The following VNN1 variants were observed in gnomAD, a reference collection of about 807,000 sequenced individuals.
The protein encoded by VNN1 is vanin 1.
Under a neutral mutation model 41.9 loss-of-function variants are expected in VNN1, and 29 were observed. The observed-to-expected ratio is 0.69, with a 90% confidence interval of 0.52 to 0.94. VNN1 has a LOEUF of 0.94. Among genes scored for constraint, VNN1 ranks in the 40% least tolerant of loss-of-function variants. VNN1 has a pLI of 0.00. For synonymous variants in VNN1, 233 were observed against 224.4 expected (o/e 1.04, Z -0.34); for missense variants, 637 against 621.1 (o/e 1.03, Z -0.27).
At chr6:132,713,692 A>G (rs1778633623) in intron 1 of VNN1, 134 bp downstream of exon 1, 2 of 934,806 alleles carry the variant, frequency 2.1e-6, no homozygotes, top group Non-Finnish European at 3.1e-6. Context: ...TTCTAACTGT[A>G]AAATAAAGGT....
intron 1 of VNN1, 126 bp from the exon 2 acceptor site, chr6:132,711,965 A>G (rs766157727): frequency 2.2e-4 from 202 of 924,394 alleles, no homozygotes; most frequent in Middle Eastern, 3.3e-4. Flanking sequence ...CTATATTTTT[A>G]TAATTTATTT....
Position 132,692,425 on chromosome 6 carries a change from C to G in VNN1, c.986G>C (p.Gly329Ala). The change falls in exon 5 of 7, where the codon GGA becomes GCA. Residue 329 changes from glycine (G) to alanine (A), a missense_variant. By Grantham distance (60) the Gly-to-Ala change is moderately conservative. Transcript: ENST00000367928. ...GACAGTGCCTTTAAATTCCTTGTTT[C>G]CTGATGAGAGCGCTTCTATACTGCT... ...YASSIEALSS[G>A]NKEFKGTVFF... 1 of 1,614,138 alleles carries G rather than the reference C, an allele frequency of 6.2e-7. No individual in the cohort carries two copies. Among genetic ancestry groups the G allele is most frequent in the Non-Finnish European group, 8.5e-7 (1 of 1,180,022 alleles).
chr6:132,705,499 C>G (rs1778506686), intron 2 of VNN1, among the ~76,000 whole-genome samples: 1 of 152,070 alleles, frequency 6.6e-6, no homozygotes, highest in African/African-American at 2.4e-5. Flanking sequence ...CCCTCAATGA[C>G]TGGATATAGA....
chr6:132,712,945 G>T (rs2114380718), intron 1 of VNN1, among the ~76,000 whole-genome samples: 1 of 152,234 alleles, frequency 6.6e-6, no homozygotes, highest in South Asian at 2.1e-4. Flanking sequence ...GTACAGCGTG[G>T]GCAACATGGC....
In VNN1 at chr6:132,711,763, A is replaced by T. The variant is rs1163467787; in HGVS notation, c.287T>A (p.Leu96Ter). The T allele has an allele frequency of 6.2e-7, 1 of 1,614,064 alleles. No individual in the cohort carries two copies. The highest frequency in any genetic ancestry group is 8.5e-7 in the Non-Finnish European group (1 of 1,179,948). ...NFNRDSLYPY[L>*]EDIPDPEVNW... Reference sequence around the variant, plus strand: ...TACTTCAGGGTCTGGGATGTCCTCCAAATATGGGTAGAGAGAGTCCCTGTT... The same window carrying T: ...TACTTCAGGGTCTGGGATGTCCTCCTAATATGGGTAGAGAGAGTCCCTGTT... Residue 96 changes from leucine (L) to a stop codon, truncating the protein, a stop_gained, in exon 2 of 7, where the codon TTG becomes TAG. Transcript: ENST00000367928. LOFTEE classifies it high-confidence loss of function.
In VNN1 at chr6:132,693,068, T is replaced by A; in HGVS notation, c.782A>T (p.Asn261Ile). 1 of 1,613,872 alleles carries A rather than the reference T, an allele frequency of 6.2e-7. No homozygotes were observed. Among genetic ancestry groups the A allele is most frequent in the Non-Finnish European group, 8.5e-7 (1 of 1,179,890 alleles). ...HSAWAMGMRV[N>I]FLASNIHYPS... Reference sequence around the variant, plus strand: ...GTAATGTATGTTGGATGCAAGGAAATTGACCCTCATGCCCATAGCCCAAGC... The same window carrying A: ...GTAATGTATGTTGGATGCAAGGAAAATGACCCTCATGCCCATAGCCCAAGC... The change falls in exon 4 of 7, where the codon AAT (asparagine) becomes ATT (isoleucine). Residue 261 changes from asparagine to isoleucine, a missense_variant. Asn to Ile is a moderately radical substitution (Grantham distance 149). Coordinates refer to ENST00000367928, the MANE Select transcript of VNN1 (RefSeq NM_004666.3).
intron 2 of VNN1, among the ~76,000 whole-genome samples, chr6:132,704,738 A>G (rs1269554547): frequency 6.6e-6 from 1 of 150,838 alleles, no homozygotes; most frequent in African/African-American, 2.4e-5. Context: ...TTGAAATAAA[A>G]AACATCCAAA....
chr6:132,700,790 A>T (rs1274329594), intron 2 of VNN1, among the ~76,000 whole-genome samples: 2 of 152,186 alleles, frequency 1.3e-5, no homozygotes, highest in Non-Finnish European at 2.9e-5. Context: ...AACACTTCAC[A>T]TTTAACAGTA....
chr6:132,685,473 A>T (rs1778191955), intron 5 of VNN1, among the ~76,000 whole-genome samples: 1 of 152,230 alleles, frequency 6.6e-6, no homozygotes, highest in African/African-American at 2.4e-5. Flanking sequence ...CATATGCTTC[A>T]ATTTTATTTC....
chr6:132,686,032 G>A (rs557966237), intron 5 of VNN1, among the ~76,000 whole-genome samples: 1 of 152,146 alleles, frequency 6.6e-6, no homozygotes, highest in African/African-American at 2.4e-5. Flanking sequence ...GAATAGGGTT[G>A]CCAGGTAAAA....
intron 5 of VNN1, among the ~76,000 whole-genome samples, chr6:132,691,056 C>A (rs989206487): frequency 5.3e-5 from 8 of 152,012 alleles, no homozygotes; most frequent in African/African-American, 1.9e-4. Flanking sequence ...CATATGCTAG[C>A]AAATAGGAGA....
chr6:132,707,544 G>A (rs1778536875), intron 2 of VNN1, among the ~76,000 whole-genome samples: 1 of 152,154 alleles, frequency 6.6e-6, no homozygotes, highest in South Asian at 2.1e-4. Context: ...AAACAACCGT[G>A]TGGTACATGT....
At chr6:132,711,955 C>G in intron 1 of VNN1, 116 bp from the exon 2 acceptor site, 7 of 995,414 alleles carry the variant, frequency 7.0e-6, no homozygotes, top group Non-Finnish European at 9.4e-6. Context: ...ATTTTGTTTT[C>G]TATATTTTTA....
chr6:132,704,581 T>C (rs906461684), intron 2 of VNN1, among the ~76,000 whole-genome samples: 3 of 152,080 alleles, frequency 2.0e-5, no homozygotes, highest in African/African-American at 7.2e-5. Context: ...GGAAAGTTTA[T>C]AGCTATAAGT....
chr6:132,705,668 A>G (rs965875228), intron 2 of VNN1, among the ~76,000 whole-genome samples: 1 of 152,190 alleles, frequency 6.6e-6, no homozygotes, highest in Non-Finnish European at 1.5e-5. Flanking sequence ...GGTTCTCACT[A>G]AAGTAATCAG....
intron 2 of VNN1, among the ~76,000 whole-genome samples, chr6:132,698,577 C>G (rs767231795): frequency 1.3e-5 from 2 of 152,152 alleles, no homozygotes; most frequent in Non-Finnish European, 2.9e-5. Flanking sequence ...TATCAAAATG[C>G]CTTTTCAGCC....
intron 2 of VNN1, among the ~76,000 whole-genome samples, chr6:132,704,475 A>G (rs944264148): frequency 1.3e-5 from 2 of 152,140 alleles, no homozygotes; most frequent in Admixed American, 1.3e-4. Context: ...AGGTTAATGA[A>G]GAAATTAAGA....
At chr6:132,686,863 A>T (rs1302931720) in intron 5 of VNN1, among the ~76,000 whole-genome samples, 2 of 152,206 alleles carry the variant, frequency 1.3e-5, no homozygotes, top group Non-Finnish European at 2.9e-5. Context: ...CATGCACAAA[A>T]CAACAATAAG....
At chr6:132,700,498 ACCCATCTTGGCTATC>A (rs1335363701) in intron 2 of VNN1, among the ~76,000 whole-genome samples, 1 of 152,094 alleles carries the variant, frequency 6.6e-6, no homozygotes, top group East Asian at 1.9e-4. Flanking sequence ...ACCCACTGAC[ACCCATCTTGGCTATC>A]CCCACTGCTT....
Sources: gnomAD v4.1 joint callset for allele counts (sites outside exome capture counted in the v4.1 genomes callset) on GRCh38, gnomAD v4.1.1 for gene constraint, MANE v1.5 for transcripts, NCBI Gene and HGNC (gene_info 2026-07-23, HGNC 2026-07-21) for gene names.